The following TMCO6 variants were observed in gnomAD, a reference collection of about 807,000 sequenced individuals.
TMCO6 encodes transmembrane and coiled-coil domain-containing protein 6.
In TMCO6, 47 loss-of-function variants were observed where a neutral mutation model predicts 61.8. The ratio of observed to expected loss-of-function variants is 0.76; its 90% CI spans 0.60 to 0.97. The LOEUF is 0.97. TMCO6 is among the 50% of genes least tolerant of loss of function. The pLI, the probability that TMCO6 is intolerant of heterozygous loss-of-function variation, is 0.00. For synonymous variants in TMCO6, 261 were observed against 254.2 expected (o/e 1.03, Z -0.25); for missense variants, 557 against 601.6 (o/e 0.93, Z 0.78).
chr5:140,621,384 A>G, the TMCO6 span, among the ~76,000 whole-genome samples: 1 of 152,220 alleles, frequency 6.6e-6, no homozygotes, highest in Non-Finnish European at 1.5e-5. Flanking sequence ...CTTTACTGCA[A>G]TCTCTAAACA....
chr5:140,631,883 C>A, the TMCO6 span: 16 of 1,577,456 alleles, frequency 1.0e-5, no homozygotes, highest in Admixed American at 1.9e-4. Context: ...CCCCTTGGAG[C>A]AGCACCAGGG....
chr5:140,636,852 G>A (rs1354965859), upstream of TMCO6, among the ~76,000 whole-genome samples: 1 of 152,186 alleles, frequency 6.6e-6, no homozygotes, highest in Non-Finnish European at 1.5e-5. Context: ...CTTTGCCTAA[G>A]TTATATGGCT....
chr5:140,635,545 T>C (rs1472660704), upstream of TMCO6, among the ~76,000 whole-genome samples: 1 of 152,130 alleles, frequency 6.6e-6, no homozygotes, highest in Non-Finnish European at 1.5e-5. Flanking sequence ...AGAGGGGCAG[T>C]GATGGTTCTG....
At chr5:140,631,879 G>A in the TMCO6 span, 2 of 1,573,904 alleles carry the variant, frequency 1.3e-6, no homozygotes, top group African/African-American at 2.7e-5. Flanking sequence ...CGGGCCCCTT[G>A]GAGCAGCACC....
At position 140,639,555 on chromosome 5, in the gene TMCO6, A is replaced by C; in HGVS notation, c.28A>C (p.Arg10=). Residue 10 remains arginine, a synonymous_variant, in exon 1 of 12, where the codon AGG becomes CGG. Coordinates refer to ENST00000394671, the MANE Select transcript of TMCO6 (RefSeq NM_018502.5). MWSRRQGRL[R]PTVCGVEELR... Reference sequence around the variant, plus strand: ...GTGGAGCCGACGGCAGGGCCGCCTCAGGCCCACGGTCTGCGGGGTGGAGGA... The same window carrying C: ...GTGGAGCCGACGGCAGGGCCGCCTCCGGCCCACGGTCTGCGGGGTGGAGGA... 6.5e-7 allele frequency: 1 copy of C among 1,549,336 alleles called. No homozygotes were observed. Among genetic ancestry groups the C allele is most frequent in the Admixed American group, 2.0e-5 (1 of 50,636 alleles).
At chr5:140,643,246 G>C in intron 7 of TMCO6, 1 of 727,622 alleles carries the variant, frequency 1.4e-6, no homozygotes, top group South Asian at 1.9e-5. Flanking sequence ...AGGCTGGATG[G>C]AGTACAGTGG....
At chr5:140,610,186 TAAAAAAA>T in the TMCO6 span, among the ~76,000 whole-genome samples, 1 of 70,728 alleles carries the variant, frequency 1.4e-5, no homozygotes, top group Non-Finnish European at 2.6e-5. Context: ...CCATTTCTAC[TAAAAAAA>T]AAAAAAAAAA....
At chr5:140,641,402 GGATA>G (rs1439467918) in intron 2 of TMCO6, 5 of 465,170 alleles carry the variant, frequency 1.1e-5, no homozygotes, top group Admixed American at 6.9e-5. Context: ...TATGAAGGCA[GGATA>G]GATATTGTTA....
chr5:140,637,994 T>TCTTTCTTTCTTTCTTTCTTTCTTC (rs1187874015), upstream of TMCO6, among the ~76,000 whole-genome samples: 6 of 146,624 alleles, frequency 4.1e-5, no homozygotes, highest in Non-Finnish European at 7.4e-5. Context: ...TTTCTTTCTT[T>TCTTTCTTTCTTTCTTTCTTTCTTC]CTTCCTTCCT....
chr5:140,605,907 T>C, the TMCO6 span, among the ~76,000 whole-genome samples: 1 of 152,182 alleles, frequency 6.6e-6, no homozygotes, highest in East Asian at 1.9e-4. Flanking sequence ...TATAAATATG[T>C]TGTTGAGGCA....
chr5:140,613,447 G>A, the TMCO6 span, among the ~76,000 whole-genome samples: 1 of 149,040 alleles, frequency 6.7e-6, no homozygotes, highest in African/African-American at 2.5e-5. Context: ...TTCAGATGGG[G>A]TGACATCTGA....
chr5:140,633,236 C>T, the TMCO6 span: 278 of 820,712 alleles, frequency 3.4e-4, 1 homozygote, highest in Admixed American at 2.3e-3. Flanking sequence ...GTTCCCTCCT[C>T]TGTGAACCCT....
At chr5:140,620,288 C>T in the TMCO6 span, among the ~76,000 whole-genome samples, 1 of 152,302 alleles carries the variant, frequency 6.6e-6, no homozygotes, top group Non-Finnish European at 1.5e-5. Flanking sequence ...ATAATACATA[C>T]TGTGTAATTC....
intron 2 of TMCO6, among the ~76,000 whole-genome samples, chr5:140,640,676 C>T (rs939580150): frequency 2.0e-5 from 3 of 152,160 alleles, no homozygotes; most frequent in African/African-American, 4.8e-5. Flanking sequence ...GGATTACAGG[C>T]GTGAGCCACT....
chr5:140,613,386 T>TAAAAAAAAAAAAAAAAAA, the TMCO6 span, among the ~76,000 whole-genome samples: 1 of 87,444 alleles, frequency 1.1e-5, no homozygotes, highest in African/African-American at 5.2e-5. Context: ...AGACTCTGAC[T>TAAAAAAAAAAAAAAAAAA]AAAAAAAAAA....
chr5:140,647,596 C>G (rs913453092), downstream of TMCO6: 2 of 1,607,968 alleles, frequency 1.2e-6, no homozygotes, highest in African/African-American at 2.7e-5. Flanking sequence ...TTGTTAATAT[C>G]GAAGTCGCCA....
the TMCO6 span, among the ~76,000 whole-genome samples, chr5:140,607,055 T>A: frequency 6.6e-6 from 1 of 151,962 alleles, no homozygotes; most frequent in Admixed American, 6.6e-5. Context: ...AAATAAAATT[T>A]GCTATTTTGG....
downstream of TMCO6, chr5:140,647,238 C>T (rs188802167): frequency 6.8e-4 from 1,035 of 1,530,984 alleles, 2 homozygotes; most frequent in African/African-American, 0.012. Context: ...CCCCAGACCC[C>T]TGGCGTCCCG....
the TMCO6 span, among the ~76,000 whole-genome samples, chr5:140,626,724 G>C: frequency 2.0e-5 from 3 of 152,060 alleles, no homozygotes; most frequent in African/African-American, 4.8e-5. Flanking sequence ...CTAATTTTTT[G>C]TATGTTTAGT....
Sources: gnomAD v4.1 joint callset for allele counts (sites outside exome capture counted in the v4.1 genomes callset) on GRCh38, gnomAD v4.1.1 for gene constraint, MANE v1.5 for transcripts, NCBI Gene and HGNC (gene_info 2026-07-23, HGNC 2026-07-21) for gene names.